ARHGAP24: variants seen among roughly 807,000 people sequenced by gnomAD.
ARHGAP24 encodes the protein rho GTPase-activating protein 24.
A neutral mutation model predicts 76.4 loss-of-function variants in ARHGAP24; 50 were observed. The ratio of observed to expected loss-of-function variants is 0.65; its 90% CI spans 0.52 to 0.83. The LOEUF is 0.83. ARHGAP24 is among the 40% of genes least tolerant of loss of function. ARHGAP24 has a pLI of 0.00. For missense variants in ARHGAP24, 930 were observed against 914.2 expected (o/e 1.02, Z -0.22); for synonymous variants, 345 against 323.3 (o/e 1.07, Z -0.72).
At chr4:85,675,354 T>C (rs1389718069) in intron 2 of ARHGAP24, among the ~76,000 whole-genome samples, 1 of 152,168 alleles carries the variant, frequency 6.6e-6, no homozygotes, top group African/African-American at 2.4e-5. Context: ...ATGTTTTCTA[T>C]AGGAAAGTAT....
chr4:85,727,081 G>A (rs879186513), intron 3 of ARHGAP24, among the ~76,000 whole-genome samples: 5 of 152,052 alleles, frequency 3.3e-5, no homozygotes, highest in Non-Finnish European at 5.9e-5. Flanking sequence ...TTAGCTGGGC[G>A]TGTTGGTGGG....
intron 1 of ARHGAP24, among the ~76,000 whole-genome samples, chr4:85,478,993 G>A (rs1722708858): frequency 6.6e-6 from 1 of 152,170 alleles, no homozygotes; most frequent in South Asian, 2.1e-4. Context: ...CTGAATTCAA[G>A]CCCCCAGCCC....
At chr4:85,619,862 A>G (rs1477462524) in intron 2 of ARHGAP24, among the ~76,000 whole-genome samples, 1 of 151,814 alleles carries the variant, frequency 6.6e-6, no homozygotes, top group African/African-American at 2.4e-5. Flanking sequence ...GAGAGTTTTT[A>G]TTATCATGAA....
At chr4:85,633,926 T>C (rs913790110) in intron 2 of ARHGAP24, among the ~76,000 whole-genome samples, 3 of 151,874 alleles carry the variant, frequency 2.0e-5, no homozygotes, top group Non-Finnish European at 4.4e-5. Context: ...TTGATTTTTG[T>C]CATTGAAAAG....
At chr4:85,611,226 G>T (rs1300172655) in intron 2 of ARHGAP24, among the ~76,000 whole-genome samples, 2 of 152,066 alleles carry the variant, frequency 1.3e-5, no homozygotes, top group African/African-American at 4.8e-5. Flanking sequence ...ATAGTTTAGT[G>T]GATAAGTGAA....
rs1727916986 is a variant in ARHGAP24 at position 85,787,719 on chromosome 4, G to A, written c.268+65747G>A. Among the ~76,000 whole-genome samples, 4 of 152,106 alleles carry A rather than the reference G, an allele frequency of 2.6e-5. 1 individual carries two copies. The South Asian group carries it at 8.3e-4, about 32-fold the overall frequency. On this transcript the variant is annotated intron_variant, in intron 3 of 9. Transcript: ENST00000395184. ...TAATGGAGCCAAAGGCAGAATCAGA[G>A]GAGATACAAAGAGACATCAGGTTCT...
chr4:85,732,364 C>T (rs979594793), intron 3 of ARHGAP24, among the ~76,000 whole-genome samples: 6 of 152,174 alleles, frequency 3.9e-5, no homozygotes, highest in African/African-American at 1.4e-4. Context: ...TGCAGCAGAA[C>T]AGCTGCTGAT....
At chr4:85,770,758 A>G (rs1000629262) in intron 3 of ARHGAP24, among the ~76,000 whole-genome samples, 9 of 152,206 alleles carry the variant, frequency 5.9e-5, no homozygotes, top group African/African-American at 2.2e-4. Flanking sequence ...TGGAAACCTA[A>G]TTAATTTTGG....
chr4:85,951,414 T>C (rs1475062258), intron 5 of ARHGAP24, among the ~76,000 whole-genome samples: 1 of 152,156 alleles, frequency 6.6e-6, no homozygotes, highest in East Asian at 1.9e-4. Context: ...ACTTTAGTCA[T>C]TGGGATGTGG....
At chr4:85,596,205 T>C (rs1719830944) in intron 2 of ARHGAP24, among the ~76,000 whole-genome samples, 1 of 151,896 alleles carries the variant, frequency 6.6e-6, no homozygotes, top group African/African-American at 2.4e-5. Context: ...TTGAAGAAAA[T>C]AGCAATGCAG....
intron 3 of ARHGAP24, among the ~76,000 whole-genome samples, chr4:85,761,401 C>G (rs1726727574): frequency 6.6e-6 from 1 of 152,184 alleles, no homozygotes; most frequent in Admixed American, 6.5e-5. Context: ...CACTGGCATC[C>G]ACCTAAAAGA....
intron 3 of ARHGAP24, among the ~76,000 whole-genome samples, chr4:85,762,836 C>T (rs149083103): frequency 3.0e-4 from 46 of 152,174 alleles, no homozygotes; most frequent in Admixed American, 1.0e-3. Flanking sequence ...GTTTAACTAG[C>T]GTAACTGTGA....
rs1056802599 is a variant in ARHGAP24 at position 85,963,893 on chromosome 4, G to GT, written c.600-8135dup. Among the ~76,000 whole-genome samples the GT allele has an allele frequency of 4.5e-4, 66 of 147,098 alleles. 1 individual carries two copies. Among genetic ancestry groups the GT allele is most frequent in the Admixed American group, 3.9e-3 (58 of 14,690 alleles). ...GTACTGATGATTACCACTTATATAT[G>GT]TTTTTTTTCAACTTTTTTTTATTAT... On this transcript the variant is annotated intron_variant, in intron 5 of 9. Coordinates refer to ENST00000395184, the MANE Select transcript of ARHGAP24 (RefSeq NM_001025616.3).
At chr4:85,552,149 G>A (rs1268318070) in intron 1 of ARHGAP24, among the ~76,000 whole-genome samples, 1 of 152,100 alleles carries the variant, frequency 6.6e-6, no homozygotes, top group Non-Finnish European at 1.5e-5. Flanking sequence ...ACTTTTCCAT[G>A]TGGGCATTTA....
intron 3 of ARHGAP24, among the ~76,000 whole-genome samples, chr4:85,871,361 A>T (rs1732514581): frequency 6.6e-6 from 1 of 152,214 alleles, no homozygotes; most frequent in East Asian, 1.9e-4. Flanking sequence ...AGATCCAGAA[A>T]TATAACAATT....
At chr4:85,568,966 C>T (rs533488695) in intron 1 of ARHGAP24, among the ~76,000 whole-genome samples, 1 of 152,324 alleles carries the variant, frequency 6.6e-6, no homozygotes, top group African/African-American at 2.4e-5. Flanking sequence ...AGTTCTGCTT[C>T]ATCCCTGCAA....
At chr4:85,621,174 A>G (rs970590363) in intron 2 of ARHGAP24, among the ~76,000 whole-genome samples, 8 of 152,046 alleles carry the variant, frequency 5.3e-5, no homozygotes, top group Admixed American at 1.3e-4. Flanking sequence ...CATCCGATCC[A>G]CCACTGATAG....
At chr4:85,825,112 CAAAAA>C (rs201595083) in intron 3 of ARHGAP24, among the ~76,000 whole-genome samples, 1 of 149,082 alleles carries the variant, frequency 6.7e-6, no homozygotes, top group African/African-American at 2.5e-5. Context: ...CGAAACAAAA[CAAAAA>C]AAAAGAAAAG....
Position 85,750,868 on chromosome 4 carries a change from C to T in ARHGAP24, c.268+28896C>T, listed in dbSNP as rs76461093. Among the ~76,000 whole-genome samples, 11 of 152,246 alleles carry T rather than the reference C, an allele frequency of 7.2e-5. No individual in the cohort carries two copies. The East Asian group carries it at 1.3e-3, about 19-fold the overall frequency. ...AATGTTCCTCTTCCCTGTTTCACTG[C>T]GGGGCAGAAGTCTCAGAGATCTCTC... On this transcript the variant is annotated intron_variant, in intron 3 of 9. Coordinates refer to ENST00000395184, the MANE Select transcript of ARHGAP24 (RefSeq NM_001025616.3).
Sources: gnomAD v4.1 joint callset for allele counts (sites outside exome capture counted in the v4.1 genomes callset) on GRCh38, gnomAD v4.1.1 for gene constraint, MANE v1.5 for transcripts, NCBI Gene and HGNC (gene_info 2026-07-23, HGNC 2026-07-21) for gene names.